Variants in DOCK2 observed in about 807,000 individuals in gnomAD.
The protein encoded by DOCK2 is dedicator of cytokinesis protein 2.
DOCK2 carries 87 observed loss-of-function variants against 248.9 expected under a neutral mutation model. That is an observed-to-expected ratio of 0.35 (90% CI 0.29 to 0.42). The LOEUF (loss-of-function observed/expected upper bound fraction) is 0.42. DOCK2 is among the 10% of genes least tolerant of loss of function. The pLI, the probability that DOCK2 is intolerant of heterozygous loss-of-function variation, is 1.00. For missense variants in DOCK2, 1,747 were observed against 2,300.2 expected (o/e 0.76, Z 4.92); for synonymous variants, 805 against 821.6 (o/e 0.98, Z 0.35).
At chr5:169,860,701 T>G (rs1335937555) in intron 27 of DOCK2, among the ~76,000 whole-genome samples, 2 of 152,142 alleles carry the variant, frequency 1.3e-5, no homozygotes, top group Non-Finnish European at 2.9e-5. Flanking sequence ...GAATACTGAA[T>G]CACATGACAG....
chr5:169,916,955 C>A (rs1478269363), intron 27 of DOCK2, among the ~76,000 whole-genome samples: 1 of 152,138 alleles, frequency 6.6e-6, no homozygotes, highest in Non-Finnish European at 1.5e-5. Context: ...ATGCAAATAG[C>A]CATCGTCATT....
chr5:169,950,379 A>G (rs1239576899), intron 27 of DOCK2, among the ~76,000 whole-genome samples: 1 of 152,220 alleles, frequency 6.6e-6, no homozygotes, highest in Non-Finnish European at 1.5e-5. Context: ...AGCACTCAAA[A>G]AACAGTAGTA....
intron 27 of DOCK2, among the ~76,000 whole-genome samples, chr5:169,865,182 CGTT>C (rs888365421): frequency 1.3e-5 from 2 of 152,080 alleles, no homozygotes; most frequent in Admixed American, 6.6e-5. Context: ...ACCTCTTTTT[CGTT>C]GTTGTTGTTG....
chr5:169,777,149 C>T (rs138258110), intron 25 of DOCK2, among the ~76,000 whole-genome samples: 1 of 152,314 alleles, frequency 6.6e-6, no homozygotes, highest in East Asian at 1.9e-4. Context: ...CTTTTCCCTA[C>T]TTTTCAAACA....
rs541273242 is a variant in DOCK2 at position 169,650,875 on chromosome 5, G to A, written c.44-3528G>A. 8.3e-4 allele frequency among the ~76,000 whole-genome samples: 126 copies of A among 152,318 alleles called. 2 individuals carry two copies. The highest frequency in any genetic ancestry group is 2.9e-3 in the African/African-American group (120 of 41,564). On this transcript the variant is annotated intron_variant, in intron 1 of 51. Transcript: ENST00000520908. ...GTGTCAGTATTCCCCAGGGCTTGGCGACCTGGCACGATGGGGAAGCTGGAA... is the reference window on the plus strand; with the variant it reads ...GTGTCAGTATTCCCCAGGGCTTGGCAACCTGGCACGATGGGGAAGCTGGAA...
chr5:169,702,360 A>G lies in DOCK2; in HGVS notation c.1316A>G (p.Asn439Ser), dbSNP rs113673055. 307 of 1,614,026 alleles carry G rather than the reference A, an allele frequency of 1.9e-4. 3 individuals are homozygous for G. In the African/African-American group the frequency reaches 3.3e-3, roughly 17 times the overall value. The change falls in exon 14 of 52, where the codon AAC becomes AGC. Residue 439 changes from asparagine (N) to serine (S), a missense_variant. This residue lies in a region of DOCK2 where 858 missense variants were observed against 1,183.5 expected (regional missense o/e 0.72). Transcript: ENST00000520908. ...TTACAAGGTGACTTTGACAAGTACAACAAGACCACACAGAGGAATGTGGAA... is the reference window on the plus strand; with the variant it reads ...TTACAAGGTGACTTTGACAAGTACAGCAAGACCACACAGAGGAATGTGGAA... ...TLLQGDFDKY[N>S]KTTQRNVEVI...
At chr5:169,748,909 C>T (rs1490478283) in intron 23 of DOCK2, among the ~76,000 whole-genome samples, 1 of 152,196 alleles carries the variant, frequency 6.6e-6, no homozygotes, top group Non-Finnish European at 1.5e-5. Context: ...ATTAGGCCTG[C>T]CATGTTATAA....
chr5:169,853,666 C>T (rs904273504), intron 27 of DOCK2, among the ~76,000 whole-genome samples: 4 of 152,126 alleles, frequency 2.6e-5, no homozygotes, highest in South Asian at 2.1e-4. Flanking sequence ...CAGAGGGCTT[C>T]GATCTCCCAG....
At chr5:169,978,378 T>G in intron 27 of DOCK2, among the ~76,000 whole-genome samples, 1 of 14,250 alleles carries the variant, frequency 7.0e-5, no homozygotes, top group Admixed American at 6.9e-4. Context: ...TCTGTGTATG[T>G]GTGTGTGTGT....
chr5:169,982,448 C>A (rs895869834), intron 27 of DOCK2, among the ~76,000 whole-genome samples: 1 of 152,216 alleles, frequency 6.6e-6, no homozygotes, highest in African/African-American at 2.4e-5. Context: ...TTCTTTGAAT[C>A]TTTCTGGTAC....
chr5:169,863,275 CTG>C (rs1188674015), intron 27 of DOCK2, among the ~76,000 whole-genome samples: 1 of 152,198 alleles, frequency 6.6e-6, no homozygotes, highest in Non-Finnish European at 1.5e-5. Flanking sequence ...GGAAGGGAGA[CTG>C]TGTCGATTAA....
chr5:169,819,686 A>G (rs1768298930), intron 26 of DOCK2, among the ~76,000 whole-genome samples: 2 of 152,216 alleles, frequency 1.3e-5, no homozygotes, highest in Non-Finnish European at 1.5e-5. Flanking sequence ...TACATCTCCC[A>G]GCGTGAGCGA....
intron 27 of DOCK2, among the ~76,000 whole-genome samples, chr5:169,942,688 A>C (rs976616064): frequency 1.3e-5 from 2 of 152,290 alleles, no homozygotes; most frequent in East Asian, 1.9e-4. Context: ...TGCAAGCAGT[A>C]CAGAGAAATA....
Position 169,747,377 on chromosome 5 carries a change from C to A in DOCK2, c.2268-19C>A. 1 of 1,600,702 alleles carries A rather than the reference C, an allele frequency of 6.2e-7. No individual in the cohort carries two copies. Among genetic ancestry groups the A allele is most frequent in the Non-Finnish European group, 8.5e-7 (1 of 1,172,826 alleles). On this transcript the variant is annotated intron_variant, in intron 22 of 51. Transcript: ENST00000520908. ...TTGTCTGTTAGCTTGAGAAATGACCCAGATGTATCTTGTTTCAGGCTTTAT... is the reference window on the plus strand; with the variant it reads ...TTGTCTGTTAGCTTGAGAAATGACCAAGATGTATCTTGTTTCAGGCTTTAT...
At chr5:169,888,557 G>A (rs1466715086) in intron 27 of DOCK2, among the ~76,000 whole-genome samples, 2 of 152,214 alleles carry the variant, frequency 1.3e-5, no homozygotes. Context: ...TCTGTAGGTT[G>A]CAAACTGTAG....
At chr5:169,894,123 C>T (rs1338533523) in intron 27 of DOCK2, among the ~76,000 whole-genome samples, 2 of 152,296 alleles carry the variant, frequency 1.3e-5, no homozygotes, top group East Asian at 3.9e-4. Flanking sequence ...GTTTTCAAAG[C>T]ATTTTTAGAT....
In DOCK2 at chr5:169,768,302, G is replaced by T. The variant is rs757073744; in HGVS notation, c.2554+6677G>T. Among the ~76,000 whole-genome samples the T allele has an allele frequency of 2.0e-5, 3 of 152,228 alleles. No homozygotes were observed. The South Asian group carries it at 6.2e-4, about 32-fold the overall frequency. Reference sequence around the variant, plus strand: ...AATATTTGATGAGCGCTGTCTCTACGGCTCACAGGTAGTAAGTGCTGGAGC... The same window carrying T: ...AATATTTGATGAGCGCTGTCTCTACTGCTCACAGGTAGTAAGTGCTGGAGC... On this transcript the variant is annotated intron_variant, in intron 25 of 51. Transcript: ENST00000520908.
rs1268064109 is a variant in DOCK2 at position 169,702,330 on chromosome 5, C to G, written c.1286C>G (p.Thr429Ser). 1 of 1,613,962 alleles carries G rather than the reference C, an allele frequency of 6.2e-7. No individual in the cohort carries two copies. Among genetic ancestry groups the G allele is most frequent in the Non-Finnish European group, 8.5e-7 (1 of 1,179,868 alleles). ...PGDVRNDIYI[T>S]LLQGDFDKYN... Reference sequence around the variant, plus strand: ...GATGTCAGGAACGACATCTACATTACTCTCTTACAAGGTGACTTTGACAAG... The same window carrying G: ...GATGTCAGGAACGACATCTACATTAGTCTCTTACAAGGTGACTTTGACAAG... Residue 429 changes from threonine (T) to serine (S), a missense_variant, in exon 14 of 52, where the codon ACT (threonine) becomes AGT (serine). Physicochemically the swap from Thr to Ser is moderately conservative, Grantham distance 58. Transcript: ENST00000520908.
chr5:169,686,443 T>G (rs1015871647), intron 8 of DOCK2, among the ~76,000 whole-genome samples: 1 of 152,028 alleles, frequency 6.6e-6, no homozygotes, highest in Non-Finnish European at 1.5e-5. Flanking sequence ...CTGAGAGTGC[T>G]GGAGACGAGG....
Sources: allele counts gnomAD v4.1 joint callset (sites outside exome capture counted in the v4.1 genomes callset), GRCh38; gene constraint gnomAD v4.1.1; regional missense constraint gnomAD v4.1.1; transcripts MANE v1.5; gene names NCBI Gene and HGNC (gene_info 2026-07-23, HGNC 2026-07-21).